The following PRRC2B variants were observed in gnomAD, a reference collection of about 807,000 sequenced individuals.
PRRC2B encodes proline rich coiled-coil 2B, also known as protein PRRC2B.
PRRC2B carries 68 observed loss-of-function variants against 242.3 expected under a neutral mutation model. The observed-to-expected ratio is 0.28, with a 90% CI of 0.23 to 0.34. The LOEUF (loss-of-function observed/expected upper bound fraction) is 0.34. Among genes scored for constraint, PRRC2B ranks in the 10% least tolerant of loss-of-function variants. The pLI is 1.00. For synonymous variants in PRRC2B, 1,228 were observed against 1,173.6 expected (o/e 1.05, Z -0.95); for missense variants, 2,835 against 2,954.8 (o/e 0.96, Z 0.94).
intron 9 of PRRC2B, among the ~76,000 whole-genome samples, chr9:131,449,832 TC>T: frequency 6.6e-6 from 1 of 152,358 alleles, no homozygotes; most frequent in East Asian, 1.9e-4. Context: ...GTAAAGATGT[TC>T]CTAGATGTTT....
intron 16 of PRRC2B, among the ~76,000 whole-genome samples, chr9:131,476,784 C>T (rs923322310): frequency 2.0e-5 from 3 of 151,334 alleles, no homozygotes; most frequent in Non-Finnish European, 4.4e-5. Context: ...AGCACCTGAC[C>T]TGAGAGTCCA....
At chr9:131,479,423 G>T in intron 19 of PRRC2B, 30 bp downstream of exon 19, 1 of 1,605,078 alleles carries the variant, frequency 6.2e-7, no homozygotes, top group South Asian at 1.1e-5. Flanking sequence ...CCCCAGCTGT[G>T]GCACCCAAGG....
At chr9:131,456,085 C>T (rs976573573) in intron 10 of PRRC2B, among the ~76,000 whole-genome samples, 1 of 151,606 alleles carries the variant, frequency 6.6e-6, no homozygotes, top group East Asian at 2.0e-4. Flanking sequence ...TGTACTTCAG[C>T]CTGGGCGACA....
intron 28 of PRRC2B, among the ~76,000 whole-genome samples, chr9:131,489,748 T>TG (rs1944130875): frequency 6.6e-6 from 1 of 152,180 alleles, no homozygotes; most frequent in South Asian, 2.1e-4. Flanking sequence ...CCTGTGCCCC[T>TG]GGGGGGCCCT....
chr9:131,478,127 G>T lies in PRRC2B; in HGVS notation c.4612+178G>T, dbSNP rs570294790. ...GAGCAGAGTAGGTAGGATTCCCACC[G>T]AGTGTTGCTCACAGCCCGTTGAATC... On this transcript the variant is annotated intron_variant, in intron 17 of 31. Coordinates refer to ENST00000683519, the MANE Select transcript of PRRC2B (RefSeq NM_013318.4). 6.6e-5 allele frequency among the ~76,000 whole-genome samples: 10 copies of T among 152,252 alleles called. No homozygotes were observed. In the South Asian group the frequency reaches 1.0e-3, roughly 16 times the overall value.
intron 25 of PRRC2B, 68 bp from the exon 26 acceptor site, chr9:131,486,017 C>A: frequency 9.3e-7 from 1 of 1,077,966 alleles, no homozygotes; most frequent in Non-Finnish European, 1.4e-6. Flanking sequence ...AGACTGTTTC[C>A]CTCAGGGACA....
In PRRC2B at chr9:131,464,998, A is replaced by G; in HGVS notation, c.1640A>G (p.Lys547Arg). 1 of 1,614,010 alleles carries G rather than the reference A, an allele frequency of 6.2e-7. No homozygotes were observed. The highest frequency in any genetic ancestry group is 8.5e-7 in the Non-Finnish European group (1 of 1,179,894). The change falls in exon 12 of 32, where the codon AAG (lysine) becomes AGG (arginine). Residue 547 changes from lysine (K) to arginine (R), a missense_variant. By Grantham distance (26) the Lys-to-Arg change is conservative. Around this residue, in one of 7 missense-constraint regions of PRRC2B, gnomAD observed 1,536 missense variants for 1,483.1 expected, o/e 1.04. Coordinates refer to ENST00000683519, the MANE Select transcript of PRRC2B (RefSeq NM_013318.4). ...GCACGAAAGGCAGGTGAGGCCCGGA[A>G]GCAGGCAGAGAAGGAAGTGCCCTGG... ...KQARKAGEAR[K>R]QAEKEVPWSP... is the part of the protein sequence containing the mutation.
At position 131,447,168 on chromosome 9, in the gene PRRC2B, A is replaced by G; in HGVS notation, c.939A>G (p.Arg313=). 1 of 1,613,984 alleles carries G rather than the reference A, an allele frequency of 6.2e-7. No homozygotes were observed. Among genetic ancestry groups the G allele is most frequent in the Non-Finnish European group, 8.5e-7 (1 of 1,179,880 alleles). The change falls in exon 8 of 32, where the codon CGA becomes CGG. Residue 313 remains arginine (R), a synonymous_variant. Transcript: ENST00000683519. ...FPLPQLRLEP[R]VPFRQFQMND... Reference sequence around the variant, plus strand: ...TTCCTCAGCTCCGCCTTGAACCTCGAGTTCCTTTTAGACAGTTCCAGATGA... The same window carrying G: ...TTCCTCAGCTCCGCCTTGAACCTCGGGTTCCTTTTAGACAGTTCCAGATGA...
At chr9:131,401,196 A>G (rs981935870) in intron 1 of PRRC2B, among the ~76,000 whole-genome samples, 1 of 152,096 alleles carries the variant, frequency 6.6e-6, no homozygotes, top group African/African-American at 2.4e-5. Context: ...AAGTATACAT[A>G]ACATAAAATT....
upstream of PRRC2B, among the ~76,000 whole-genome samples, chr9:131,389,290 G>A (rs1836868716): frequency 6.7e-6 from 1 of 149,058 alleles, no homozygotes; most frequent in Non-Finnish European, 1.5e-5. Flanking sequence ...CAAGTAACTG[G>A]GATTACAGGC....
chr9:131,442,000 T>G (rs1838600032), intron 5 of PRRC2B, among the ~76,000 whole-genome samples: 1 of 152,198 alleles, frequency 6.6e-6, no homozygotes, highest in Non-Finnish European at 1.5e-5. Context: ...TTCCTACCCT[T>G]TATCCTTATT....
rs752737833 is a variant in PRRC2B at position 131,487,194 on chromosome 9, T to C, written c.5884T>C (p.Ser1962Pro). ...QAAAAQQIPI[S>P]LHTSLQAQAQ... ...CGCCGCTGCCCAGCAGATCCCGATC[T>C]CCCTTCACACATCTCTGCAGGCACA... Residue 1962 changes from serine to proline, a missense_variant, in exon 27 of 32, where the codon TCC becomes CCC. Ser to Pro is a moderately conservative substitution (Grantham distance 74). This residue lies in a region of PRRC2B where 574 missense variants were observed against 626.0 expected (regional missense o/e 0.92). Transcript: ENST00000683519. The surrounding 1 kb of genome is among the most constrained non-coding windows in gnomAD (Gnocchi z 5.3). The C allele has an allele frequency of 1.4e-5, 22 of 1,613,702 alleles. No individual in the cohort carries two copies. Among genetic ancestry groups the C allele is most frequent in the Non-Finnish European group, 1.9e-5 (22 of 1,179,784 alleles).
chr9:131,469,131 T>G (rs1943472684), intron 13 of PRRC2B, among the ~76,000 whole-genome samples: 1 of 151,964 alleles, frequency 6.6e-6, no homozygotes, highest in South Asian at 2.1e-4. Flanking sequence ...GTCAGGAGTT[T>G]GAGACCAGCC....
Position 131,488,000 on chromosome 9 carries a change from G to A in PRRC2B, c.6129G>A (p.Gln2043=), listed in dbSNP as rs894515161. The A allele has an allele frequency of 1.2e-6, 2 of 1,612,070 alleles. No homozygotes were observed. The highest frequency in any genetic ancestry group is 2.7e-5 in the African/African-American group (2 of 74,890). The stretch of plus-strand genomic sequence containing the variant: ...AGCCGCAGTCTGGCTCACCCTACCA[G>A]CCCATGAGCGGGAACCAAGCCCTGG... The part of the protein sequence containing the change: ...MVKPQSGSPY[Q]PMSGNQALVY... The change falls in exon 28 of 32, where the codon CAG becomes CAA. Residue 2043 remains glutamine (Q), a synonymous_variant. Coordinates refer to ENST00000683519, the MANE Select transcript of PRRC2B (RefSeq NM_013318.4). The surrounding 1 kb of genome is among the most constrained non-coding windows in gnomAD (Gnocchi z 5.3).
chr9:131,446,284 T>G lies in PRRC2B; in HGVS notation c.614-117T>G. ...AACAGTTCTTCACTTTTGGTGTTTT[T>G]TGTTTTTCATTTTATTTTTTTGGTG... On this transcript the variant is annotated intron_variant, in intron 6 of 31. Coordinates refer to ENST00000683519, the MANE Select transcript of PRRC2B (RefSeq NM_013318.4). This position sits in a 1 kb window ranked among gnomAD's most constrained non-coding sequence, Gnocchi z 4.1. 7.7e-7 allele frequency: 1 copy of G among 1,295,856 alleles called. No homozygotes were observed. The highest frequency in any genetic ancestry group is 1.0e-6 in the Non-Finnish European group (1 of 955,222). 80.3% of individuals were successfully genotyped at this position (1,295,856 alleles called of 1,614,324 possible).
At chr9:131,407,599 C>T (rs7865765) in intron 1 of PRRC2B, among the ~76,000 whole-genome samples, 2,776 of 152,274 alleles carry the variant, frequency 0.018, 82 homozygotes, top group African/African-American at 0.064. Context: ...AAGTCATGCA[C>T]GGCTTCTGGG....
At chr9:131,455,699 G>A (rs1268811379) in intron 10 of PRRC2B, among the ~76,000 whole-genome samples, 1 of 151,866 alleles carries the variant, frequency 6.6e-6, no homozygotes, top group African/African-American at 2.4e-5. Context: ...TCTTTCTGCT[G>A]GAGATGGGGT....
At chr9:131,397,563 G>GTTTTTTTTTTTTTTTTTTTTTTTT (rs58424444) in intron 1 of PRRC2B, among the ~76,000 whole-genome samples, 1 of 98,990 alleles carries the variant, frequency 1.0e-5, no homozygotes, top group African/African-American at 4.2e-5. Flanking sequence ...ACTTTTGAGG[G>GTTTTTTTTTTTTTTTTTTTTTTTT]TTTTTTTTTT....
chr9:131,412,449 G>T (rs559519323), intron 1 of PRRC2B, among the ~76,000 whole-genome samples: 1 of 152,290 alleles, frequency 6.6e-6, no homozygotes, highest in African/African-American at 2.4e-5. Context: ...TCCAAACAAT[G>T]CTGCCACAGT....
Sources: gnomAD v4.1 joint callset for allele counts (sites outside exome capture counted in the v4.1 genomes callset) on GRCh38, gnomAD v4.1.1 for gene constraint, gnomAD v4.1.1 regional missense constraint, Gnocchi (gnomAD v3.1) non-coding constraint, MANE v1.5 for transcripts, NCBI Gene and HGNC (gene_info 2026-07-23, HGNC 2026-07-21) for gene names.